Variants in MACROD2 observed in about 807,000 individuals in gnomAD.
The protein encoded by MACROD2 is mono-ADP ribosylhydrolase 2, also known as ADP-ribose glycohydrolase MACROD2.
In MACROD2, 36 loss-of-function variants were observed where a neutral mutation model predicts 70.4. The observed-to-expected ratio is 0.51, with a 90% CI of 0.39 to 0.68. The LOEUF (loss-of-function observed/expected upper bound fraction) is 0.68. Among genes scored for constraint, MACROD2 ranks in the 30% least tolerant of loss-of-function variants. The pLI, the probability that MACROD2 is intolerant of heterozygous loss-of-function variation, is 0.00. For synonymous variants in MACROD2, 172 were observed against 178.8 expected (o/e 0.96, Z 0.30); for missense variants, 496 against 538.4 (o/e 0.92, Z 0.78).
intron 8 of MACROD2, among the ~76,000 whole-genome samples, chr20:15,724,824 T>C (rs1259227874): frequency 6.6e-6 from 1 of 152,164 alleles, no homozygotes; most frequent in African/African-American, 2.4e-5. Flanking sequence ...GGCTCACACC[T>C]GTAATCCCAG....
At chr20:15,896,579 TTC>T (rs1448840101) in intron 10 of MACROD2, among the ~76,000 whole-genome samples, 16 of 152,070 alleles carry the variant, frequency 1.1e-4, no homozygotes, top group Non-Finnish European at 2.2e-4. Context: ...CTGTAATCTT[TTC>T]TCTTTCTCTT....
intron 6 of MACROD2, among the ~76,000 whole-genome samples, chr20:15,312,899 T>C (rs1469691094): frequency 1.3e-5 from 2 of 152,206 alleles, no homozygotes; most frequent in Non-Finnish European, 2.9e-5. Flanking sequence ...CACATACATA[T>C]ATAATAAAAA....
intron 5 of MACROD2, among the ~76,000 whole-genome samples, chr20:14,814,700 C>A (rs1232667876): frequency 2.6e-5 from 4 of 151,906 alleles, no homozygotes; most frequent in Non-Finnish European, 5.9e-5. Flanking sequence ...AGGTACATGG[C>A]TAATTTCTGG....
chr20:15,040,158 A>T (rs2075344269), intron 5 of MACROD2, among the ~76,000 whole-genome samples: 1 of 152,124 alleles, frequency 6.6e-6, no homozygotes, highest in Admixed American at 6.5e-5. Context: ...TACTAAAAAT[A>T]CAAAAAATTA....
chr20:15,800,363 C>G (rs1237534673), intron 8 of MACROD2, among the ~76,000 whole-genome samples: 2 of 152,116 alleles, frequency 1.3e-5, no homozygotes, highest in Middle Eastern at 3.2e-3. Context: ...TTTGCCTAGA[C>G]CAATGTCCTG....
intron 5 of MACROD2, among the ~76,000 whole-genome samples, chr20:15,126,980 T>C (rs541185505): frequency 6.2e-4 from 94 of 152,256 alleles, no homozygotes; most frequent in Non-Finnish European, 1.2e-3. Flanking sequence ...AGACCAAATT[T>C]TTTTAGTTTT....
chr20:14,776,480 A>C (rs1204356801), intron 5 of MACROD2, among the ~76,000 whole-genome samples: 1 of 152,014 alleles, frequency 6.6e-6, no homozygotes, highest in Non-Finnish European at 1.5e-5. Flanking sequence ...TATCATAATC[A>C]CAGTCATAAT....
At chr20:15,015,194 A>AT (rs1471392240) in intron 5 of MACROD2, among the ~76,000 whole-genome samples, 11 of 152,016 alleles carry the variant, frequency 7.2e-5, no homozygotes, top group South Asian at 2.1e-4. Flanking sequence ...TTTAATATTA[A>AT]TTTTTTCATT....
At chr20:15,619,052 G>C (rs2049086825) in intron 8 of MACROD2, among the ~76,000 whole-genome samples, 1 of 152,164 alleles carries the variant, frequency 6.6e-6, no homozygotes, top group Non-Finnish European at 1.5e-5. Context: ...GATCACATGA[G>C]CCAGCTTATC....
intron 5 of MACROD2, among the ~76,000 whole-genome samples, chr20:15,200,073 C>CT (rs202072747): frequency 1.2e-5 from 1 of 86,060 alleles, no homozygotes; most frequent in Non-Finnish European, 2.4e-5. Flanking sequence ...AAATTATCTT[C>CT]TTTCAAGAAC....
intron 12 of MACROD2, among the ~76,000 whole-genome samples, chr20:15,948,994 AT>A (rs1407743578): frequency 1.3e-5 from 2 of 152,182 alleles, no homozygotes; most frequent in Admixed American, 1.3e-4. Context: ...ATAGGTCCAA[AT>A]TTATATGAGC....
At chr20:14,091,094 A>G (rs893939671) in intron 3 of MACROD2, among the ~76,000 whole-genome samples, 7 of 151,674 alleles carry the variant, frequency 4.6e-5, no homozygotes, top group Non-Finnish European at 7.4e-5. Flanking sequence ...TAATGGGGTT[A>G]TTTGTTTTCT....
chr20:15,162,419 T>C (rs1601161289), intron 5 of MACROD2, among the ~76,000 whole-genome samples: 1 of 151,988 alleles, frequency 6.6e-6, no homozygotes, highest in East Asian at 1.9e-4. Context: ...ATATTCGTGG[T>C]GAAAGGGTGG....
intron 5 of MACROD2, among the ~76,000 whole-genome samples, chr20:14,954,218 G>T (rs527473115): frequency 6.6e-6 from 1 of 151,898 alleles, no homozygotes; most frequent in East Asian, 1.9e-4. Context: ...TAATCCCTTT[G>T]GGTGGAATTC....
intron 3 of MACROD2, among the ~76,000 whole-genome samples, chr20:14,437,832 T>A (rs1354209783): frequency 1.3e-5 from 2 of 152,184 alleles, no homozygotes; most frequent in Admixed American, 1.3e-4. Context: ...TAAATTCTCT[T>A]GTGTATATTT....
intron 6 of MACROD2, among the ~76,000 whole-genome samples, chr20:15,261,585 AT>A (rs1431850387): frequency 6.6e-6 from 1 of 152,022 alleles, no homozygotes; most frequent in Non-Finnish European, 1.5e-5. Context: ...TTTTTAGGTC[AT>A]TTAAACATCT....
intron 5 of MACROD2, among the ~76,000 whole-genome samples, chr20:15,167,277 T>G (rs564185232): frequency 3.3e-5 from 5 of 152,314 alleles, no homozygotes; most frequent in African/African-American, 1.2e-4. Context: ...CTCAGGCAAC[T>G]ACTTACTTCT....
intron 9 of MACROD2, among the ~76,000 whole-genome samples, chr20:15,868,828 G>T (rs75436200): frequency 0.02 from 3,028 of 152,052 alleles, 36 homozygotes; most frequent in Middle Eastern, 0.075. Context: ...AGACTGGAGC[G>T]CAGTAACGCA....
chr20:15,705,291 T>A (rs2050516607), intron 8 of MACROD2, among the ~76,000 whole-genome samples: 1 of 152,244 alleles, frequency 6.6e-6, no homozygotes, highest in East Asian at 1.9e-4. Context: ...TGAGAGAGGA[T>A]TCAGGTATTG....
Sources: gnomAD v4.1 joint callset for allele counts (sites outside exome capture counted in the v4.1 genomes callset) on GRCh38, gnomAD v4.1.1 for gene constraint, MANE v1.5 for transcripts, NCBI Gene and HGNC (gene_info 2026-07-23, HGNC 2026-07-21) for gene names.